The following ROR1 variants were observed in gnomAD, a reference collection of about 807,000 sequenced individuals.
ROR1 encodes the protein ROR family WNT receptor 1.
A neutral mutation model predicts 78.8 loss-of-function variants in ROR1; 19 were observed. The ratio of observed to expected loss-of-function variants is 0.24; its 90% CI spans 0.17 to 0.35. The LOEUF (loss-of-function observed/expected upper bound fraction) is 0.35, where lower values mean the gene tolerates loss of function less well. ROR1 is among the 10% of genes least tolerant of loss of function. The pLI is 1.00. For synonymous variants in ROR1, 386 were observed against 433.6 expected, an observed-to-expected ratio of 0.89 and a Z score of 1.36; for missense variants, 917 against 1,177.8, an observed-to-expected ratio of 0.78 and a Z score of 3.24.
chr1:63,811,324 G>A (rs1644858540), intron 1 of ROR1, among the ~76,000 whole-genome samples: 1 of 152,184 alleles, frequency 6.6e-6, no homozygotes, highest in African/African-American at 2.4e-5. Context: ...GACAGCCCCT[G>A]ATTGGAGAGG....
chr1:63,857,114 G>T (rs1043258643), intron 1 of ROR1, among the ~76,000 whole-genome samples: 1 of 151,506 alleles, frequency 6.6e-6, no homozygotes, highest in African/African-American at 2.4e-5. Flanking sequence ...TAAATAAATA[G>T]GATTCAATTT....
chr1:63,977,288 A>G, intron 1 of ROR1, among the ~76,000 whole-genome samples: 1 of 152,318 alleles, frequency 6.6e-6, no homozygotes, highest in Middle Eastern at 3.4e-3. Context: ...GAATATTTAT[A>G]CAATATTTTT....
chr1:63,813,900 A>G (rs1401122318), intron 1 of ROR1, among the ~76,000 whole-genome samples: 1 of 152,228 alleles, frequency 6.6e-6, no homozygotes, highest in Non-Finnish European at 1.5e-5. Context: ...GAAAGCTCAC[A>G]TGCTTAGCTT....
intron 1 of ROR1, among the ~76,000 whole-genome samples, chr1:63,939,519 G>A (rs1203625718): frequency 6.6e-6 from 1 of 152,020 alleles, no homozygotes; most frequent in African/African-American, 2.4e-5. Flanking sequence ...AAATTTCCAG[G>A]CATATCAAAA....
intron 1 of ROR1, among the ~76,000 whole-genome samples, chr1:63,855,672 C>T (rs543802169): frequency 2.7e-5 from 4 of 149,030 alleles, no homozygotes; most frequent in Admixed American, 6.7e-5. Flanking sequence ...TTTTTTGAGA[C>T]GTAGTCTTGC....
At chr1:63,992,020 A>ATAT (rs1646300197) in intron 1 of ROR1, among the ~76,000 whole-genome samples, 1 of 152,020 alleles carries the variant, frequency 6.6e-6, no homozygotes, top group African/African-American at 2.4e-5. Context: ...CCCTGACCTT[A>ATAT]TATTTTAACA....
chr1:64,157,729 T>C (rs994878311), intron 7 of ROR1, among the ~76,000 whole-genome samples: 1 of 152,184 alleles, frequency 6.6e-6, no homozygotes, highest in African/African-American at 2.4e-5. Context: ...TTACAGGACA[T>C]GTCATTATCT....
At chr1:64,117,972 G>A (rs1569798721) in intron 4 of ROR1, among the ~76,000 whole-genome samples, 1 of 152,234 alleles carries the variant, frequency 6.6e-6, no homozygotes, top group Admixed American at 6.5e-5. Context: ...AGTTCAAGGC[G>A]GGGAGATCAC....
chr1:64,024,405 T>C (rs1183385466), intron 2 of ROR1, among the ~76,000 whole-genome samples: 1 of 151,990 alleles, frequency 6.6e-6, no homozygotes, highest in Non-Finnish European at 1.5e-5. Context: ...CACTGGAACC[T>C]GGGAGACGGA....
At chr1:63,865,427 A>G (rs1238722037) in intron 1 of ROR1, among the ~76,000 whole-genome samples, 1 of 152,132 alleles carries the variant, frequency 6.6e-6, no homozygotes, top group African/African-American at 2.4e-5. Context: ...TACTGCAACA[A>G]ACTTCTGATA....
At chr1:63,940,492 GACAGACAGATAGA>G (rs1645828964) in intron 1 of ROR1, among the ~76,000 whole-genome samples, 2 of 82,322 alleles carry the variant, frequency 2.4e-5, no homozygotes, top group African/African-American at 3.6e-5. Flanking sequence ...CAGATAGATA[GACAGACAGATAGA>G]TAGATAGATA....
At chr1:64,142,749 ATGGACAGTATT>A (rs1206682140) in intron 7 of ROR1, 99 bp downstream of exon 7, 14 of 1,532,774 alleles carry the variant, frequency 9.1e-6, no homozygotes, top group Non-Finnish European at 1.2e-5. Flanking sequence ...GGCAAAGAAA[ATGGACAGTATT>A]TGCTTGATCT....
intron 1 of ROR1, among the ~76,000 whole-genome samples, chr1:63,865,972 G>C (rs2100352275): frequency 6.6e-6 from 1 of 152,280 alleles, no homozygotes; most frequent in East Asian, 1.9e-4. Flanking sequence ...CAACAATCTT[G>C]AAGCTGTTTT....
chr1:64,152,980 T>A (rs1428977818), intron 7 of ROR1, among the ~76,000 whole-genome samples: 1 of 152,214 alleles, frequency 6.6e-6, no homozygotes, highest in Non-Finnish European at 1.5e-5. Context: ...AGTCATTTGA[T>A]CAAATGTTTT....
chr1:64,169,134 A>AG (rs1304653411), intron 8 of ROR1, among the ~76,000 whole-genome samples: 1 of 152,254 alleles, frequency 6.6e-6, no homozygotes, highest in African/African-American at 2.4e-5. Flanking sequence ...CTGTGCTTCC[A>AG]AAGAGAAAAA....
chr1:64,004,713 T>C (rs988031903), intron 1 of ROR1, among the ~76,000 whole-genome samples: 2 of 152,210 alleles, frequency 1.3e-5, no homozygotes, highest in Non-Finnish European at 1.5e-5. Context: ...GATGAACCAG[T>C]AATCCTTTCG....
At chr1:64,029,175 C>A (rs2100566801) in intron 2 of ROR1, among the ~76,000 whole-genome samples, 1 of 152,122 alleles carries the variant, frequency 6.6e-6, no homozygotes, top group Admixed American at 6.5e-5. Flanking sequence ...CTTAACCTAC[C>A]ATCCTTCTGT....
chr1:63,920,371 G>A lies in ROR1; in HGVS notation c.92-88934G>A, dbSNP rs114728954. ...GGTAAGGAAAGAATAGCAGGAAGGC[G>A]TCTCATAGGTATGGTTTAATGGTAA... On this transcript the variant is annotated intron_variant, in intron 1 of 8. Coordinates refer to ENST00000371079, the MANE Select transcript of ROR1 (RefSeq NM_005012.4). Among the ~76,000 whole-genome samples the A allele has an allele frequency of 4.5e-3, 684 of 152,312 alleles. 1 individual carries two copies. Among genetic ancestry groups the A allele is most frequent in the African/African-American group, 0.013 (553 of 41,564 alleles).
intron 7 of ROR1, chr1:64,143,116 T>A: frequency 9.9e-7 from 1 of 1,008,048 alleles, no homozygotes; most frequent in Non-Finnish European, 1.2e-6. Flanking sequence ...GTAAACTGTG[T>A]CCTTCGTTAT....
Sources: allele counts gnomAD v4.1 joint callset (sites outside exome capture counted in the v4.1 genomes callset), GRCh38; gene constraint gnomAD v4.1.1; transcripts MANE v1.5; gene names NCBI Gene and HGNC (gene_info 2026-07-23, HGNC 2026-07-21).